Variants in ADGRF3 observed in about 807,000 individuals in gnomAD.
The protein encoded by ADGRF3 is adhesion G protein-coupled receptor F3.
Under a neutral mutation model 93.2 loss-of-function variants are expected in ADGRF3, and 85 were observed. That is an observed-to-expected ratio of 0.91 (90% confidence interval 0.77 to 1.09). ADGRF3 has a LOEUF of 1.09. Ranked by LOEUF, ADGRF3 falls within the 50% of genes least tolerant of loss-of-function variation. ADGRF3 has a pLI of 0.00. For missense variants in ADGRF3, 1,125 were observed against 1,246.2 expected (o/e 0.90, Z 1.46); for synonymous variants, 534 against 532.5 (o/e 1.00, Z -0.04).
intron 1 of ADGRF3, among the ~76,000 whole-genome samples, chr2:26,321,857 C>A (rs1675167133): frequency 6.6e-6 from 1 of 151,330 alleles, no homozygotes. Context: ...CCCTGTAATC[C>A]CAGCTCCTCA....
Sources: allele counts gnomAD v4.1 joint callset (sites outside exome capture counted in the v4.1 genomes callset), GRCh38; gene constraint gnomAD v4.1.1; transcripts MANE v1.5; gene names NCBI Gene and HGNC (gene_info 2026-07-23, HGNC 2026-07-21).